ERAP1: variants seen among roughly 807,000 people sequenced by gnomAD.
ERAP1 encodes the protein adipocyte-derived leucine aminopeptidase.
A neutral mutation model predicts 103.7 loss-of-function variants in ERAP1; 86 were observed. The observed-to-expected ratio is 0.83, with a 90% CI of 0.70 to 0.99. ERAP1 has a LOEUF of 0.99. Among genes scored for constraint, ERAP1 ranks in the 50% least tolerant of loss-of-function variants. The pLI is 0.00. For synonymous variants in ERAP1, 398 were observed against 402.4 expected (o/e 0.99, Z 0.13); for missense variants, 1,009 against 1,128.4 (o/e 0.89, Z 1.52).
intron 15 of ERAP1, among the ~76,000 whole-genome samples, 158 bp downstream of exon 15, chr5:96,782,891 CGA>C (rs979892660): frequency 6.6e-6 from 1 of 152,088 alleles, no homozygotes; most frequent in African/African-American, 2.4e-5. Context: ...CTTAAAGTTA[CGA>C]GATACATAGA....
chr5:96,782,301 G>A (rs572333904), intron 15 of ERAP1, among the ~76,000 whole-genome samples: 14 of 152,088 alleles, frequency 9.2e-5, no homozygotes, highest in Non-Finnish European at 1.6e-4. Flanking sequence ...GAGCCACCGC[G>A]CCTGGCCTAG....
At chr5:96,886,576 CTCA>C in the ERAP1 span, 1 of 1,284,232 alleles carries the variant, frequency 7.8e-7, no homozygotes, top group Non-Finnish European at 1.0e-6. Context: ...TTGCCTCTAA[CTCA>C]CCTGCCATAA....
the ERAP1 span, among the ~76,000 whole-genome samples, chr5:96,914,913 A>G: frequency 6.7e-6 from 1 of 148,866 alleles, no homozygotes; most frequent in African/African-American, 2.5e-5. Flanking sequence ...ATAAACATAA[A>G]TGATATATAG....
chr5:96,867,344 G>A, the ERAP1 span, among the ~76,000 whole-genome samples: 1 of 152,144 alleles, frequency 6.6e-6, no homozygotes, highest in East Asian at 1.9e-4. Flanking sequence ...AGTTATGGCT[G>A]CATAACAAAT....
chr5:96,830,109 C>A, the ERAP1 span, among the ~76,000 whole-genome samples: 2 of 152,078 alleles, frequency 1.3e-5, no homozygotes, highest in African/African-American at 4.8e-5. Flanking sequence ...AGGGAGGGAC[C>A]CTGGTAAATA....
At chr5:96,791,668 C>T (rs1209378929) in intron 8 of ERAP1, among the ~76,000 whole-genome samples, 1 of 152,206 alleles carries the variant, frequency 6.6e-6, no homozygotes, top group Non-Finnish European at 1.5e-5. Context: ...TGTTACTAAG[C>T]ACACTGTGCA....
chr5:96,882,254 C>G, the ERAP1 span, among the ~76,000 whole-genome samples: 1 of 152,094 alleles, frequency 6.6e-6, no homozygotes, highest in South Asian at 2.1e-4. Flanking sequence ...TTTCAAATGC[C>G]GAAGGCCCCA....
the ERAP1 span, among the ~76,000 whole-genome samples, chr5:96,927,733 G>A: frequency 1.3e-5 from 2 of 152,078 alleles, no homozygotes; most frequent in Non-Finnish European, 2.9e-5. Flanking sequence ...TGATTTGCCC[G>A]TCTTGGCCTC....
Position 96,803,661 on chromosome 5 carries a change from G to T in ERAP1, c.266C>A (p.Pro89His). The T allele has an allele frequency of 6.2e-7, 1 of 1,614,210 alleles. No individual in the cohort carries two copies. ...ACTATGCAGGATGATGGTGCTGGTG[G>T]GCTGACTGGCTGTGATTTCTACTTT... ...TTKVEITASQ[P>H]TSTIILHSHH... is the part of the protein sequence containing the mutation. The change falls in exon 2 of 19, where the codon CCC becomes CAC. Residue 89 changes from proline to histidine, a missense_variant. Pro to His is a moderately conservative substitution (Grantham distance 77). Transcript: ENST00000443439.
At chr5:96,901,269 C>T in the ERAP1 span, among the ~76,000 whole-genome samples, 2 of 152,074 alleles carry the variant, frequency 1.3e-5, no homozygotes. Flanking sequence ...CTTTTCCTGC[C>T]ATGTATTCAC....
At chr5:96,903,636 G>A in the ERAP1 span, 4 of 1,298,638 alleles carry the variant, frequency 3.1e-6, no homozygotes, top group Non-Finnish European at 4.2e-6. Flanking sequence ...AATATTGAAT[G>A]TTCAACATTG....
chr5:96,782,335 A>G (rs1775333748), intron 15 of ERAP1, among the ~76,000 whole-genome samples: 1 of 152,198 alleles, frequency 6.6e-6, no homozygotes, highest in South Asian at 2.1e-4. Context: ...AAAAAAGGCA[A>G]GAGAAAAATA....
downstream of ERAP1, chr5:96,774,373 C>T (rs746854169): frequency 5.8e-5 from 19 of 325,048 alleles, no homozygotes; most frequent in Non-Finnish European, 8.5e-5. Flanking sequence ...TTAGAAATAT[C>T]TTCGAGACTT....
At chr5:96,783,364 C>A in intron 14 of ERAP1, 129 bp from the exon 15 acceptor site, 2 of 726,890 alleles carry the variant, frequency 2.8e-6, no homozygotes, top group Non-Finnish European at 4.3e-6. Context: ...CTGTATAAAT[C>A]ATGCAGCACT....
At chr5:96,898,419 C>A in the ERAP1 span, among the ~76,000 whole-genome samples, 1 of 151,804 alleles carries the variant, frequency 6.6e-6, no homozygotes, top group African/African-American at 2.4e-5. Flanking sequence ...AATCCTGAGA[C>A]ATATTCAAAT....
chr5:96,863,167 C>T, the ERAP1 span, among the ~76,000 whole-genome samples: 2 of 152,090 alleles, frequency 1.3e-5, no homozygotes, highest in Non-Finnish European at 2.9e-5. Flanking sequence ...ACCTTCACTC[C>T]CTGTGTGCCC....
At chr5:96,875,103 T>A in the ERAP1 span, among the ~76,000 whole-genome samples, 1 of 152,172 alleles carries the variant, frequency 6.6e-6, no homozygotes, top group South Asian at 2.1e-4. Flanking sequence ...TCTGGTGGCA[T>A]CGTACAAGTA....
chr5:96,924,728 G>C, the ERAP1 span, among the ~76,000 whole-genome samples: 2 of 151,944 alleles, frequency 1.3e-5, no homozygotes, highest in East Asian at 3.9e-4. Context: ...CTCACGAGTA[G>C]CCGGGACTAC....
At chr5:96,807,697 C>T (rs951188987) in intron 1 of ERAP1, among the ~76,000 whole-genome samples, 163 bp downstream of exon 1, 1 of 152,084 alleles carries the variant, frequency 6.6e-6, no homozygotes, top group Non-Finnish European at 1.5e-5. Context: ...TCCCGCGCCC[C>T]GTCGCCTTCC....
Sources: allele counts gnomAD v4.1 joint callset (sites outside exome capture counted in the v4.1 genomes callset), GRCh38; gene constraint gnomAD v4.1.1; transcripts MANE v1.5; gene names NCBI Gene and HGNC (gene_info 2026-07-23, HGNC 2026-07-21).